Variants in CSN3 observed in about 807,000 individuals in gnomAD.
CSN3 encodes casein kappa.
In CSN3, 7 loss-of-function variants were observed where a neutral mutation model predicts 9.9. That is an observed-to-expected ratio of 0.71 (90% confidence interval 0.40 to 1.33). CSN3 has a LOEUF of 1.33. CSN3 is among the 40% of genes most tolerant of loss of function. The pLI is 0.01. For missense variants in CSN3, 253 were observed against 227.9 expected (o/e 1.11, Z -0.71); for synonymous variants, 88 against 82.3 (o/e 1.07, Z -0.37).
upstream of CSN3, among the ~76,000 whole-genome samples, chr4:70,239,044 T>C (rs1468281406): frequency 6.6e-6 from 1 of 151,930 alleles, no homozygotes; most frequent in Non-Finnish European, 1.5e-5. Flanking sequence ...CTACTGATGA[T>C]ACTTAAGGTT....
At chr4:70,239,070 A>G (rs1730224358), upstream of CSN3, among the ~76,000 whole-genome samples, 1 of 151,900 alleles carries the variant, frequency 6.6e-6, no homozygotes. Flanking sequence ...AATTGAGTAC[A>G]TTAACTAGAA....
chr4:70,239,369 T>C (rs1335463923), upstream of CSN3, among the ~76,000 whole-genome samples: 2 of 151,458 alleles, frequency 1.3e-5, no homozygotes, highest in African/African-American at 2.4e-5. Flanking sequence ...TCTGGCTGTT[T>C]ATTTTGAATG....
At chr4:70,243,097 T>C in intron 1 of CSN3, 2 of 491,698 alleles carry the variant, frequency 4.1e-6, no homozygotes, top group Non-Finnish European at 5.3e-6. Flanking sequence ...AACATGTTTT[T>C]CAAATATTCA....
chr4:70,246,963 C>T (rs756464941), intron 2 of CSN3, among the ~76,000 whole-genome samples: 5 of 151,918 alleles, frequency 3.3e-5, no homozygotes, highest in Non-Finnish European at 5.9e-5. Flanking sequence ...GAGACATGTG[C>T]CCGGCCTCAT....
upstream of CSN3, chr4:70,242,467 C>G (rs903353519): frequency 1.7e-5 from 2 of 119,864 alleles, 1 homozygote; most frequent in East Asian, 7.3e-4. Flanking sequence ...CCCACTCCCC[C>G]CACCCCACCA....
chr4:70,243,356 C>A (rs532341985), intron 1 of CSN3, among the ~76,000 whole-genome samples: 34 of 152,186 alleles, frequency 2.2e-4, no homozygotes, highest in African/African-American at 8.2e-4. Context: ...AGATCACTAG[C>A]AAGTGAAGCA....
chr4:70,249,274 C>G (rs767703318), exon 4 of CSN3: 4 of 1,613,986 alleles, frequency 2.5e-6, no homozygotes, highest in East Asian at 2.2e-5. Flanking sequence ...TGCCATCCCC[C>G]CAAAGAAAAT....
chr4:70,242,546 G>A (rs1560495342), upstream of CSN3: 1 of 150,018 alleles, frequency 6.7e-6, no homozygotes, highest in Admixed American at 6.7e-5. Context: ...AAATAGAATA[G>A]CGTGACTCAA....
At chr4:70,240,294 A>G (rs1214139806), upstream of CSN3, among the ~76,000 whole-genome samples, 2 of 151,968 alleles carry the variant, frequency 1.3e-5, no homozygotes, top group African/African-American at 4.8e-5. Flanking sequence ...ATAGCCTCTT[A>G]CCCAGTCCCA....
intron 2 of CSN3, among the ~76,000 whole-genome samples, chr4:70,246,702 C>T (rs1201635871): frequency 5.1e-5 from 7 of 138,422 alleles, no homozygotes; most frequent in South Asian, 2.4e-4. Flanking sequence ...GACAGAGTCT[C>T]GCTTGGTCGC....
At chr4:70,238,854 G>A (rs1184915565), upstream of CSN3, among the ~76,000 whole-genome samples, 1 of 151,758 alleles carries the variant, frequency 6.6e-6, no homozygotes, top group Non-Finnish European at 1.5e-5. Context: ...GTAGTATCAT[G>A]GTACTGTTTC....
chr4:70,242,378 G>C (rs1170925682), upstream of CSN3, among the ~76,000 whole-genome samples: 2 of 120,974 alleles, frequency 1.7e-5, no homozygotes, highest in African/African-American at 5.2e-5. Flanking sequence ...AGTTACATAT[G>C]TATACATGTG....
rs1384433354 is a variant in CSN3 at position 70,244,792 on chromosome 4, T to A, written c.-8-20T>A. ...GTAACAAATTCTTTTAAATTAATTT[T>A]TTTTTAAATTTATCTTTAGGTGCAA... is the stretch of plus-strand genomic sequence containing the variant. On this transcript the variant is annotated intron_variant, in intron 1 of 4. Coordinates refer to ENST00000304954, the Ensembl canonical transcript of CSN3. 3 of 1,433,170 alleles carry A rather than the reference T, an allele frequency of 2.1e-6. No individual in the cohort carries two copies. The highest frequency in any genetic ancestry group is 2.8e-6 in the Non-Finnish European group (3 of 1,067,518). 88.8% of individuals were successfully genotyped at this position (1,433,170 alleles called of 1,614,324 possible).
At chr4:70,240,694 T>C (rs1282083490), upstream of CSN3, among the ~76,000 whole-genome samples, 1 of 151,978 alleles carries the variant, frequency 6.6e-6, no homozygotes, top group Non-Finnish European at 1.5e-5. Flanking sequence ...ATGGGAAATA[T>C]CCAATGTTAC....
intron 3 of CSN3, among the ~76,000 whole-genome samples, chr4:70,248,069 G>A (rs1730414554): frequency 1.3e-5 from 2 of 152,038 alleles, no homozygotes; most frequent in Non-Finnish European, 2.9e-5. Context: ...CCCAAATCAT[G>A]TATCTTTGGT....
At chr4:70,248,264 T>C (rs2109698241) in intron 3 of CSN3, among the ~76,000 whole-genome samples, 1 of 152,292 alleles carries the variant, frequency 6.6e-6, no homozygotes, top group South Asian at 2.1e-4. Context: ...TTCCCAAATA[T>C]GTTTGAATAC....
At chr4:70,242,276 CTTTTTTATTT>C (rs1228448638), upstream of CSN3, among the ~76,000 whole-genome samples, 5 of 121,852 alleles carry the variant, frequency 4.1e-5, no homozygotes, top group African/African-American at 1.4e-4. Flanking sequence ...CTCTGCATTT[CTTTTTTATTT>C]TATTTTATTT....
exon 3 of CSN3, chr4:70,247,831 A>G: frequency 6.3e-7 from 1 of 1,598,010 alleles, no homozygotes; most frequent in Non-Finnish European, 8.5e-7. Flanking sequence ...GTGGAGGTTC[A>G]AAACCAGAAA....
In CSN3 at chr4:70,244,937, C is replaced by G. The variant is rs1578253348; in HGVS notation, c.54+64C>G. On this transcript the variant is annotated intron_variant, in intron 2 of 4. Transcript: ENST00000304954. ...AGAAAATTTTGTTTAAGGGCTTTAACTATGCAAACTTCTAAATACAATTAT... is the reference window on the plus strand; with the variant it reads ...AGAAAATTTTGTTTAAGGGCTTTAAGTATGCAAACTTCTAAATACAATTAT... 1.4e-5 allele frequency: 12 copies of G among 857,820 alleles called. No individual in the cohort carries two copies. In the East Asian group the frequency reaches 2.8e-4, roughly 20 times the overall value. 53.1% of individuals were successfully genotyped at this position (857,820 alleles called of 1,614,324 possible).
Sources: gnomAD v4.1 joint callset for allele counts (sites outside exome capture counted in the v4.1 genomes callset) on GRCh38, gnomAD v4.1.1 for gene constraint, MANE v1.5 for transcripts, NCBI Gene and HGNC (gene_info 2026-07-23, HGNC 2026-07-21) for gene names.